Variants in NALCN observed in about 807,000 individuals in gnomAD.
NALCN encodes sodium leak channel, non-selective, also known as sodium leak channel NALCN.
Under a neutral mutation model 225.3 loss-of-function variants are expected in NALCN, and 111 were observed. That is an observed-to-expected ratio of 0.49 (90% confidence interval 0.42 to 0.58). The LOEUF (loss-of-function observed/expected upper bound fraction) is 0.58, where lower values mean the gene tolerates loss of function less well. Ranked by LOEUF, NALCN falls within the 20% of genes least tolerant of loss-of-function variation. The probability of loss-of-function intolerance (pLI) is 0.00; values close to 1 mark genes in which losing one functional copy is unlikely to be tolerated. For missense variants in NALCN, 1,378 were observed against 2,202.4 expected, an observed-to-expected ratio of 0.63 and a Z score of 7.49; for synonymous variants, 764 against 769.0, an observed-to-expected ratio of 0.99 and a Z score of 0.11.
At chr13:101,133,792 C>G (rs539341825) in intron 17 of NALCN, among the ~76,000 whole-genome samples, 1 of 152,220 alleles carries the variant, frequency 6.6e-6, no homozygotes, top group South Asian at 2.1e-4. Context: ...AAGGTGAATA[C>G]CATTATAATA....
At chr13:101,258,709 C>T in intron 10 of NALCN, 135 bp from the exon 11 acceptor site, 1 of 1,215,866 alleles carries the variant, frequency 8.2e-7, no homozygotes, top group Non-Finnish European at 1.1e-6. Flanking sequence ...TAAAGCCATC[C>T]ATGTCCCACA....
chr13:101,346,052 A>G (rs1161498905), intron 6 of NALCN, among the ~76,000 whole-genome samples: 2 of 92,116 alleles, frequency 2.2e-5, no homozygotes, highest in African/African-American at 7.7e-5. Flanking sequence ...AGACCTTGAG[A>G]GACTTTCTCT....
intron 7 of NALCN, among the ~76,000 whole-genome samples, chr13:101,313,073 A>C (rs1420637924): frequency 6.6e-6 from 1 of 152,174 alleles, no homozygotes; most frequent in African/African-American, 2.4e-5. Context: ...CAAAAACAAG[A>C]AATGGGGAAA....
intron 13 of NALCN, among the ~76,000 whole-genome samples, chr13:101,219,564 G>A (rs947320581): frequency 1.3e-5 from 2 of 152,116 alleles, no homozygotes; most frequent in African/African-American, 4.8e-5. Context: ...TCAGGTGCTG[G>A]TTTGGGATCC....
chr13:101,185,070 C>T (rs1311157628), intron 14 of NALCN, among the ~76,000 whole-genome samples: 1 of 152,070 alleles, frequency 6.6e-6, no homozygotes, highest in African/African-American at 2.4e-5. Flanking sequence ...TTTTTCTTTT[C>T]CTGTTTACCA....
At chr13:101,181,414 G>A in intron 14 of NALCN, 1 of 489,814 alleles carries the variant, frequency 2.0e-6, no homozygotes, top group South Asian at 1.5e-5. Context: ...GGCTTTTTGT[G>A]TGTGTGTTTT....
chr13:101,185,668 C>G (rs2039418012), intron 14 of NALCN, among the ~76,000 whole-genome samples: 1 of 152,252 alleles, frequency 6.6e-6, no homozygotes, highest in South Asian at 2.1e-4. Flanking sequence ...TTGCTATATA[C>G]TTCAGCTTGA....
intron 14 of NALCN, among the ~76,000 whole-genome samples, chr13:101,179,226 C>A (rs1340371267): frequency 6.6e-6 from 1 of 152,152 alleles, no homozygotes; most frequent in Non-Finnish European, 1.5e-5. Flanking sequence ...CAGCTATGAG[C>A]CACGTGGCAA....
rs905874439 is a variant in NALCN, at chr13:101,283,801, G to A, written c.1134+132C>T. 19 of 690,376 alleles carry A rather than the reference G, an allele frequency of 2.8e-5. No individual in the cohort carries two copies. In the African/African-American group the frequency reaches 3.1e-4, roughly 11 times the overall value. 42.8% of individuals were successfully genotyped at this position (690,376 alleles called of 1,614,324 possible). A position where few individuals can be genotyped will look rare whatever the true frequency, so the allele number is the denominator to read the frequency against. ...AGGTCCTGGGAATAGAGGAAGGAGT[G>A]AAATACCATCTCTAACTTCAGGATT... On this transcript the variant is annotated intron_variant, in intron 10 of 43. Transcript: ENST00000251127.
intron 15 of NALCN, among the ~76,000 whole-genome samples, chr13:101,149,048 C>T (rs551352230): frequency 1.5e-4 from 23 of 152,168 alleles, no homozygotes; most frequent in Non-Finnish European, 3.1e-4. Flanking sequence ...AATCCCAGTA[C>T]TTTGGGAGGC....
chr13:101,246,319 A>C (rs558218582), intron 11 of NALCN, among the ~76,000 whole-genome samples: 1 of 152,288 alleles, frequency 6.6e-6, no homozygotes, highest in Non-Finnish European at 1.5e-5. Flanking sequence ...TCTGTTTTCT[A>C]ATTTCAAAGA....
intron 4 of NALCN, among the ~76,000 whole-genome samples, chr13:101,377,986 C>T (rs767119606): frequency 1.5e-4 from 23 of 152,056 alleles, no homozygotes; most frequent in Non-Finnish European, 2.8e-4. Context: ...TATAATAAAG[C>T]ATTTAATATT....
chr13:101,191,201 G>C (rs2039666390), intron 14 of NALCN, among the ~76,000 whole-genome samples: 1 of 152,104 alleles, frequency 6.6e-6, no homozygotes, highest in South Asian at 2.1e-4. Flanking sequence ...ACTTAGGTTT[G>C]CTTCTTAAAT....
chr13:101,359,731 G>C (rs2046172331), intron 6 of NALCN, among the ~76,000 whole-genome samples: 1 of 152,066 alleles, frequency 6.6e-6, no homozygotes, highest in Non-Finnish European at 1.5e-5. Flanking sequence ...TTGTTTACAA[G>C]CCAGAAAAAC....
chr13:101,414,215 A>G (rs1276245880), intron 1 of NALCN, among the ~76,000 whole-genome samples: 2 of 152,134 alleles, frequency 1.3e-5, no homozygotes, highest in Admixed American at 1.3e-4. Context: ...GTTTAAGCTC[A>G]CTATCATAGT....
At chr13:101,289,549 T>TATATATATATATAC (rs1491392183) in intron 9 of NALCN, among the ~76,000 whole-genome samples, 14 of 81,158 alleles carry the variant, frequency 1.7e-4, no homozygotes, top group African/African-American at 4.5e-4. Context: ...TATATATATA[T>TATATATATATATAC]ACACATATTT....
chr13:101,286,636 T>C (rs981256079), intron 9 of NALCN, among the ~76,000 whole-genome samples: 5 of 152,214 alleles, frequency 3.3e-5, no homozygotes, highest in Admixed American at 2.0e-4. Flanking sequence ...TTTGGGCTTT[T>C]TTGTCCCTTG....
rs1019778068 is a variant in NALCN, at chr13:101,105,337, A to G, written c.2580-387T>C. 3.9e-5 allele frequency among the ~76,000 whole-genome samples: 6 copies of G among 152,170 alleles called. No homozygotes were observed. The South Asian group carries it at 1.2e-3, about 31-fold the overall frequency. ...GTTATTCAAGATTATTTAATTAAAT[A>G]CTCCATAATTTAAATAGACTTCTTC... On this transcript the variant is annotated intron_variant, in intron 22 of 43. Coordinates refer to ENST00000251127, the MANE Select transcript of NALCN (RefSeq NM_052867.4).
chr13:101,156,602 C>T (rs2037913806), intron 15 of NALCN, among the ~76,000 whole-genome samples: 1 of 152,082 alleles, frequency 6.6e-6, no homozygotes, highest in Non-Finnish European at 1.5e-5. Context: ...CTTACTGATA[C>T]TCCTAATCTA....
Sources: allele counts gnomAD v4.1 joint callset (sites outside exome capture counted in the v4.1 genomes callset), GRCh38; gene constraint gnomAD v4.1.1; transcripts MANE v1.5; gene names NCBI Gene and HGNC (gene_info 2026-07-23, HGNC 2026-07-21).